The following SNTG2 variants were observed in gnomAD, a reference collection of about 807,000 sequenced individuals.
SNTG2 encodes gamma-2-syntrophin.
A neutral mutation model predicts 70.9 loss-of-function variants in SNTG2; 74 were observed. That is an observed-to-expected ratio of 1.04 (90% CI 0.86 to 1.27). SNTG2 has a LOEUF of 1.27. SNTG2 is among the 50% of genes most tolerant of loss of function. The pLI, the probability that SNTG2 is intolerant of heterozygous loss-of-function variation, is 0.00. For missense variants in SNTG2, 717 were observed against 690.7 expected (o/e 1.04, Z -0.43); for synonymous variants, 278 against 273.8 (o/e 1.02, Z -0.15).
chr2:1,250,992 T>C (rs1346977991), intron 12 of SNTG2, among the ~76,000 whole-genome samples: 3 of 152,278 alleles, frequency 2.0e-5, no homozygotes, highest in African/African-American at 7.2e-5. Flanking sequence ...CTGCAGAAGA[T>C]GACTTGGCAC....
At chr2:1,301,600 T>C (rs965048577) in intron 14 of SNTG2, among the ~76,000 whole-genome samples, 1 of 151,746 alleles carries the variant, frequency 6.6e-6, no homozygotes, top group Non-Finnish European at 1.5e-5. Context: ...CTGAGAAAAA[T>C]AATACAGCCC....
At chr2:1,313,739 C>T (rs1681127434) in intron 15 of SNTG2, among the ~76,000 whole-genome samples, 1 of 152,194 alleles carries the variant, frequency 6.6e-6, no homozygotes, top group Non-Finnish European at 1.5e-5. Flanking sequence ...GAAAGAGAGT[C>T]ACGCCTGCGC....
At chr2:1,098,524 G>A (rs978342151) in intron 4 of SNTG2, 114 bp downstream of exon 4, 17 of 1,129,334 alleles carry the variant, frequency 1.5e-5, no homozygotes, top group East Asian at 2.4e-5. Flanking sequence ...CTAAACTTCC[G>A]TTTTATTTTT....
chr2:1,198,598 A>G (rs938700281), intron 8 of SNTG2, among the ~76,000 whole-genome samples: 3 of 152,136 alleles, frequency 2.0e-5, no homozygotes, highest in Non-Finnish European at 4.4e-5. Flanking sequence ...GAGACTAAAA[A>G]AGCACAAAGA....
chr2:1,000,070 A>G (rs1228555538), intron 1 of SNTG2, among the ~76,000 whole-genome samples: 1 of 151,938 alleles, frequency 6.6e-6, no homozygotes. Context: ...AAATTTTTAA[A>G]TTTTCTTTAC....
At chr2:1,028,620 G>T (rs190430815) in intron 1 of SNTG2, among the ~76,000 whole-genome samples, 3 of 152,132 alleles carry the variant, frequency 2.0e-5, no homozygotes, top group Non-Finnish European at 1.5e-5. Context: ...CCTTCATGTG[G>T]ATCTATCTTT....
At chr2:955,931 T>TCTC (rs1660125580) in intron 1 of SNTG2, among the ~76,000 whole-genome samples, 2 of 152,084 alleles carry the variant, frequency 1.3e-5, no homozygotes, top group African/African-American at 4.8e-5. Flanking sequence ...TCTGCCACTG[T>TCTC]CTCCGGCCCT....
rs186472154 is a variant in SNTG2 at position 965,922 on chromosome 2, A to G, written c.72+14854A>G. ...CTGGGCTGACCCTGGACCCACAGAG[A>G]CCCTTAGGGCGGGCTGGGCCCAGCT... On this transcript the variant is annotated intron_variant, in intron 1 of 16. Transcript: ENST00000308624. Among the ~76,000 whole-genome samples, 3 of 151,932 alleles carry G rather than the reference A, an allele frequency of 2.0e-5. No homozygotes were observed. The East Asian group carries it at 5.9e-4, about 30-fold the overall frequency.
At chr2:1,059,863 TA>T (rs1193262376) in intron 1 of SNTG2, among the ~76,000 whole-genome samples, 2 of 152,140 alleles carry the variant, frequency 1.3e-5, no homozygotes, top group Admixed American at 6.5e-5. Context: ...CAACATACCA[TA>T]AATCTATATA....
At chr2:1,255,873 A>AATATATATAAATATATAT (rs1678051812) in intron 12 of SNTG2, among the ~76,000 whole-genome samples, 2 of 26,212 alleles carry the variant, frequency 7.6e-5, no homozygotes, top group Non-Finnish European at 1.4e-4. Flanking sequence ...AATATATATA[A>AATATATATAAATATATAT]ATATATATAT....
At chr2:969,058 G>C (rs892956501) in intron 1 of SNTG2, among the ~76,000 whole-genome samples, 2 of 152,106 alleles carry the variant, frequency 1.3e-5, no homozygotes, top group East Asian at 1.9e-4. Flanking sequence ...GAAAGGAGGG[G>C]TCCAGTTTCA....
chr2:1,010,885 C>CTG (rs1659711660), intron 1 of SNTG2, among the ~76,000 whole-genome samples: 1 of 152,210 alleles, frequency 6.6e-6, no homozygotes, highest in Non-Finnish European at 1.5e-5. Flanking sequence ...GAAGCACTTA[C>CTG]TGTGTAGGCC....
intron 2 of SNTG2, among the ~76,000 whole-genome samples, chr2:1,093,547 A>C (rs1256213347): frequency 6.6e-6 from 1 of 152,260 alleles, no homozygotes; most frequent in Non-Finnish European, 1.5e-5. Context: ...TAATGTTAAA[A>C]TGTTAGAGCC....
intron 1 of SNTG2, among the ~76,000 whole-genome samples, chr2:1,002,190 G>T (rs1467462164): frequency 6.6e-6 from 1 of 152,042 alleles, no homozygotes; most frequent in East Asian, 1.9e-4. Flanking sequence ...ATCTCTTCTG[G>T]ACATTGCCAT....
chr2:989,803 A>C (rs1015776354), intron 1 of SNTG2, among the ~76,000 whole-genome samples: 8 of 152,250 alleles, frequency 5.3e-5, no homozygotes, highest in Non-Finnish European at 1.2e-4. Context: ...AAATAATGCA[A>C]TTCTTTTGTT....
chr2:1,363,712 T>C (rs1661323931), intron 16 of SNTG2, among the ~76,000 whole-genome samples: 1 of 152,232 alleles, frequency 6.6e-6, no homozygotes, highest in Non-Finnish European at 1.5e-5. Context: ...AAATTCATAA[T>C]TCAAGATAGC....
intron 2 of SNTG2, among the ~76,000 whole-genome samples, chr2:1,084,831 G>A (rs1002241145): frequency 9.2e-5 from 14 of 152,158 alleles, no homozygotes; most frequent in East Asian, 1.9e-4. Context: ...CTTGGGTGGC[G>A]GGAGGAGGAA....
At chr2:1,314,881 A>G (rs1014867381) in intron 15 of SNTG2, among the ~76,000 whole-genome samples, 4 of 152,134 alleles carry the variant, frequency 2.6e-5, no homozygotes, top group Non-Finnish European at 1.5e-5. Flanking sequence ...CCATCAGATC[A>G]TGTGAGACTT....
intron 1 of SNTG2, among the ~76,000 whole-genome samples, chr2:1,058,567 C>A (rs1396861529): frequency 6.6e-6 from 1 of 152,202 alleles, no homozygotes; most frequent in Admixed American, 6.5e-5. Flanking sequence ...ATCCTAGTGT[C>A]TCCTCAGCTG....
Sources: allele counts gnomAD v4.1 joint callset (sites outside exome capture counted in the v4.1 genomes callset), GRCh38; gene constraint gnomAD v4.1.1; transcripts MANE v1.5; gene names NCBI Gene and HGNC (gene_info 2026-07-23, HGNC 2026-07-21).